The following TNRC18 variants were observed in gnomAD, a reference collection of about 807,000 sequenced individuals.
TNRC18 encodes the protein trinucleotide repeat containing 18, also known as trinucleotide repeat-containing gene 18 protein.
Under a neutral mutation model 226.7 loss-of-function variants are expected in TNRC18, and 69 were observed. The ratio of observed to expected loss-of-function variants is 0.30; its 90% confidence interval spans 0.25 to 0.37. The LOEUF is 0.37. TNRC18 is among the 10% of genes least tolerant of loss of function. TNRC18 has a pLI of 1.00. For synonymous variants in TNRC18, 2,449 were observed against 1,927.6 expected (o/e 1.27, Z -7.09); for missense variants, 4,754 against 4,256.6 (o/e 1.12, Z -3.25).
intron 2 of TNRC18, 186 bp downstream of exon 2, chr7:5,420,874 C>T: frequency 2.6e-6 from 2 of 766,508 alleles, no homozygotes; most frequent in Non-Finnish European, 4.4e-6. Flanking sequence ...CCGAGCCGCG[C>T]GACACTCTCC....
intron 18 of TNRC18, 60 bp from the exon 19 acceptor site, chr7:5,333,109 C>T (rs1314031068): frequency 2.6e-6 from 4 of 1,517,464 alleles, no homozygotes; most frequent in Admixed American, 2.0e-5. Context: ...CCCTCCCACC[C>T]AGCCACATGG....
At chr7:5,321,326 G>A in intron 21 of TNRC18, 136 bp from the exon 22 acceptor site, 1 of 613,868 alleles carries the variant, frequency 1.6e-6, no homozygotes. Flanking sequence ...TGAGACGTGT[G>A]CACTTCTTCG....
chr7:5,369,438 A>T (rs1185830661), intron 11 of TNRC18, among the ~76,000 whole-genome samples: 2 of 152,232 alleles, frequency 1.3e-5, no homozygotes, highest in Non-Finnish European at 2.9e-5. Flanking sequence ...AGCAAGAAAG[A>T]GGTGGCCTCT....
chr7:5,414,623 A>T (rs1782051153), intron 2 of TNRC18, among the ~76,000 whole-genome samples: 1 of 152,066 alleles, frequency 6.6e-6, no homozygotes, highest in South Asian at 2.1e-4. Flanking sequence ...CATGTTATCC[A>T]GGATGGTCTC....
At position 5,359,351 on chromosome 7, in the gene TNRC18, A is replaced by G. The variant is rs1248043289; in HGVS notation, c.4833+47T>C. On this transcript the variant is annotated intron_variant, in intron 15 of 29. Transcript: ENST00000430969. ...CGTGAACTCTTAACACACCCTCCAG[A>G]CACCTCCCTGAAAGATCTCACACAC... is the stretch of plus-strand genomic sequence containing the variant. 3 of 1,604,754 alleles carry G rather than the reference A, an allele frequency of 1.9e-6. No individual in the cohort carries two copies. The African/African-American group carries it at 4.0e-5, about 21-fold the overall frequency.
At chr7:5,356,602 G>A (rs905732360) in intron 16 of TNRC18, among the ~76,000 whole-genome samples, 20 of 152,236 alleles carry the variant, frequency 1.3e-4, no homozygotes, top group African/African-American at 3.4e-4. Context: ...TATGACATCC[G>A]GTAGGCAAAT....
At chr7:5,373,020 T>C (rs1342483274) in intron 10 of TNRC18, among the ~76,000 whole-genome samples, 2 of 152,056 alleles carry the variant, frequency 1.3e-5, no homozygotes, top group African/African-American at 4.8e-5. Flanking sequence ...TAGCCGGGCA[T>C]GGTGGCACAT....
chr7:5,377,334 C>T lies in TNRC18; in HGVS notation c.2461+37G>A. On this transcript the variant is annotated intron_variant, in intron 7 of 29. Transcript: ENST00000430969. The surrounding 1 kb of genome is among the most constrained non-coding windows in gnomAD (Gnocchi z 5.8). Reference sequence around the variant, plus strand: ...TGCACCCGCCCCCTCCCACCCCTCCCTCAGAGAAGGGGAGAGACCCTGTGC... The same window carrying T: ...TGCACCCGCCCCCTCCCACCCCTCCTTCAGAGAAGGGGAGAGACCCTGTGC... The T allele has an allele frequency of 1.4e-6, 2 of 1,384,202 alleles. No homozygotes were observed. Among genetic ancestry groups the T allele is most frequent in the Non-Finnish European group, 2.0e-6 (2 of 1,023,598 alleles). The allele number at this position is 1,384,202 out of a possible 1,614,324, so 85.7% of individuals were successfully genotyped here. A position where few individuals can be genotyped will look rare whatever the true frequency, so the allele number is the denominator to read the frequency against.
chr7:5,327,372 CGTGTGTGTGT>C lies in TNRC18; in HGVS notation c.6148-2134_6148-2125del, dbSNP rs5882054. Among the ~76,000 whole-genome samples, 768 of 142,806 alleles carry C rather than the reference CGTGTGTGTGT, an allele frequency of 5.4e-3. 8 individuals carry two copies. The highest frequency in any genetic ancestry group is 0.018 in the African/African-American group (701 of 39,592). 93.7% of individuals were successfully genotyped at this position (142,806 alleles called of 152,430 possible). Reference sequence around the variant, plus strand: ...AAAAATATATATGTGTGTGTTTGTGCGTGTGTGTGTGTGTGTGTGTGTGTGTGTGTGTGTG... The same window carrying C: ...AAAAATATATATGTGTGTGTTTGTGCGTGTGTGTGTGTGTGTGTGTGTGTG... On this transcript the variant is annotated intron_variant, in intron 19 of 29. Coordinates refer to ENST00000430969, the MANE Select transcript of TNRC18 (RefSeq NM_001080495.3).
At chr7:5,339,110 C>T (rs1053155856) in intron 18 of TNRC18, among the ~76,000 whole-genome samples, 1 of 151,618 alleles carries the variant, frequency 6.6e-6, no homozygotes, top group Admixed American at 6.6e-5. Context: ...CCAGCCTGGG[C>T]AACAGAGCGA....
intron 16 of TNRC18, among the ~76,000 whole-genome samples, chr7:5,353,445 G>T (rs925459069): frequency 6.6e-5 from 10 of 151,814 alleles, no homozygotes; most frequent in African/African-American, 2.2e-4. Flanking sequence ...TGTTATCCCA[G>T]CTACTCCGGA....
chr7:5,327,390 T>C (rs1213440292), intron 19 of TNRC18, among the ~76,000 whole-genome samples: 7 of 146,354 alleles, frequency 4.8e-5, no homozygotes, highest in African/African-American at 7.4e-5. Flanking sequence ...TGTGTGTGTG[T>C]GTGTGTGTGT....
In TNRC18 at chr7:5,309,238, C is replaced by T. The variant is rs367586045; in HGVS notation, c.8519G>A (p.Arg2840His). 2.9e-5 allele frequency: 46 copies of T among 1,613,696 alleles called. No individual in the cohort carries two copies. The Admixed American group carries it at 3.5e-4, about 12-fold the overall frequency. ...AGRPNLPYIG[R>H]IQSMWESWGN... ...CCACGACTCCCACATGCTCTGGATGCGGCCGATGTAGGGCAGGTTGGGGCG... is the reference window on the plus strand; with the variant it reads ...CCACGACTCCCACATGCTCTGGATGTGGCCGATGTAGGGCAGGTTGGGGCG... The change falls in exon 28 of 30, where the codon CGC (arginine) becomes CAC (histidine). Residue 2840 changes from arginine to histidine, a missense_variant. By Grantham distance (29) the Arg-to-His change is conservative (BLOSUM62 0). Transcript: ENST00000430969. The surrounding 1 kb of genome is among the most constrained non-coding windows in gnomAD (Gnocchi z 5.7).
chr7:5,387,479 C>G (rs1046803915), intron 5 of TNRC18, among the ~76,000 whole-genome samples, 193 bp downstream of exon 5: 2 of 152,190 alleles, frequency 1.3e-5, no homozygotes, highest in African/African-American at 4.8e-5. Context: ...AAGGAACAAA[C>G]GAAAATGCCC....
chr7:5,312,769 C>A lies in TNRC18; in HGVS notation c.8122G>T (p.Gly2708Cys). ...ALPTKATKQAGKARPSAHSPG... is the reference protein window; with the variant it reads ...ALPTKATKQACKARPSAHSPG... ...GAGTGGGCCGAGGGCCGCGCCTTGC[C>A]GGCCTGCTTGGTGGCCTTGGTGGGG... Residue 2708 changes from glycine (G) to cysteine (C), a missense_variant, in exon 27 of 30, where the codon GGC (glycine) becomes TGC (cysteine). Coordinates refer to ENST00000430969, the MANE Select transcript of TNRC18 (RefSeq NM_001080495.3). This position sits in a 1 kb window ranked among gnomAD's most constrained non-coding sequence, Gnocchi z 6.3. 6.5e-7 allele frequency: 1 copy of A among 1,533,012 alleles called. No individual in the cohort carries two copies. The highest frequency in any genetic ancestry group is 8.7e-7 in the Non-Finnish European group (1 of 1,144,956). The allele number at this position is 1,533,012 out of a possible 1,614,324, so 95.0% of individuals were successfully genotyped here. A position where few individuals can be genotyped will look rare whatever the true frequency, so the allele number is the denominator to read the frequency against.
chr7:5,393,175 G>A (rs1237317373), intron 3 of TNRC18, among the ~76,000 whole-genome samples: 2 of 152,216 alleles, frequency 1.3e-5, no homozygotes, highest in Non-Finnish European at 2.9e-5. Flanking sequence ...TAGTGAGCTG[G>A]TGGCAGACAG....
Position 5,377,334 on chromosome 7 carries a change from C to CCCCCTT in TNRC18, c.2461+36_2461+37insAAGGGG. On this transcript the variant is annotated intron_variant, in intron 7 of 29. Transcript: ENST00000430969. The surrounding 1 kb of genome is among the most constrained non-coding windows in gnomAD (Gnocchi z 5.8). ...TGCACCCGCCCCCTCCCACCCCTCC[C>CCCCCTT]TCAGAGAAGGGGAGAGACCCTGTGC... 1 of 1,384,200 alleles carries CCCCCTT rather than the reference C, an allele frequency of 7.2e-7. No individual in the cohort carries two copies. The highest frequency in any genetic ancestry group is 9.8e-7 in the Non-Finnish European group (1 of 1,023,596). 85.7% of individuals were successfully genotyped at this position (1,384,200 alleles called of 1,614,324 possible).
chr7:5,359,902 C>T (rs749070284), intron 14 of TNRC18, among the ~76,000 whole-genome samples: 8 of 151,990 alleles, frequency 5.3e-5, no homozygotes, highest in Non-Finnish European at 1.0e-4. Flanking sequence ...AGATCAGAAA[C>T]GCCAAGGAAA....
At chr7:5,380,829 T>G (rs771415307) in intron 5 of TNRC18, among the ~76,000 whole-genome samples, 15 of 152,112 alleles carry the variant, frequency 9.9e-5, no homozygotes, top group Non-Finnish European at 1.9e-4. Flanking sequence ...AGTCATGAGA[T>G]CAAGCTTCCT....
Sources: allele counts gnomAD v4.1 joint callset (sites outside exome capture counted in the v4.1 genomes callset), GRCh38; gene constraint gnomAD v4.1.1; non-coding constraint Gnocchi (gnomAD v3.1); transcripts MANE v1.5; gene names NCBI Gene and HGNC (gene_info 2026-07-23, HGNC 2026-07-21).